BMP1: variants seen among roughly 807,000 people sequenced by gnomAD.
BMP1 encodes the protein mammalian tolloid protein.
BMP1 carries 63 observed loss-of-function variants against 116.8 expected under a neutral mutation model. The ratio of observed to expected loss-of-function variants is 0.54; its 90% CI spans 0.44 to 0.67. The LOEUF (loss-of-function observed/expected upper bound fraction) is 0.67. Among genes scored for constraint, BMP1 ranks in the 30% least tolerant of loss-of-function variants. The pLI is 0.00. For missense variants in BMP1, 1,183 were observed against 1,358.9 expected, an observed-to-expected ratio of 0.87 and a Z score of 2.04; for synonymous variants, 536 against 533.4, an observed-to-expected ratio of 1.00 and a Z score of -0.07.
At chr8:22,185,778 C>A (rs552714028) in intron 8 of BMP1, among the ~76,000 whole-genome samples, 5 of 151,554 alleles carry the variant, frequency 3.3e-5, no homozygotes, top group Non-Finnish European at 7.4e-5. Flanking sequence ...CCTGCTATCG[C>A]CCCTGGCTAA....
chr8:22,199,381 CT>C (rs1448784492), intron 15 of BMP1: 1 of 1,287,584 alleles, frequency 7.8e-7, no homozygotes, highest in Non-Finnish European at 1.0e-6. Flanking sequence ...CATTTGGGCA[CT>C]GTAGGGTGAG....
Position 22,195,519 on chromosome 8 carries a change from C to T in BMP1, c.1697C>T (p.Thr566Ile), listed in dbSNP as rs1403097061. Residue 566 changes from threonine to isoleucine, a missense_variant, in exon 13 of 20, where the codon ACC (threonine) becomes ATC (isoleucine). By Grantham distance (89) the Thr-to-Ile change is moderately conservative. Coordinates refer to ENST00000306385, the MANE Select transcript of BMP1 (RefSeq NM_006129.5). Reference protein sequence around the residue: ...RGGCEQRCLNTLGSYKCSCDP... With the variant: ...RGGCEQRCLNILGSYKCSCDP... Reference sequence around the variant, plus strand: ...GGCTGTGAGCAGCGGTGCCTCAACACCCTGGGCAGCTACAAGTGCAGCTGT... The same window carrying T: ...GGCTGTGAGCAGCGGTGCCTCAACATCCTGGGCAGCTACAAGTGCAGCTGT... 6.2e-7 allele frequency: 1 copy of T among 1,612,822 alleles called. No homozygotes were observed. The highest frequency in any genetic ancestry group is 2.2e-5 in the East Asian group (1 of 44,780).
At chr8:22,177,821 T>A in intron 5 of BMP1, 31 bp from the exon 6 acceptor site, 8 of 1,467,704 alleles carry the variant, frequency 5.5e-6, no homozygotes, top group Non-Finnish European at 7.6e-6. Context: ...CCCCCTCCTC[T>A]CCCCCCACAC....
intron 15 of BMP1, chr8:22,201,593 G>A: frequency 1.4e-6 from 2 of 1,382,902 alleles, no homozygotes; most frequent in South Asian, 3.0e-5. Flanking sequence ...CCACAGCTGG[G>A]CCCTGCTCAG....
chr8:22,192,516 G>T (rs1297096685), intron 9 of BMP1, among the ~76,000 whole-genome samples: 1 of 152,176 alleles, frequency 6.6e-6, no homozygotes, highest in African/African-American at 2.4e-5. Flanking sequence ...CACTTTCAGA[G>T]GATCCACTAT....
chr8:22,180,577 G>A, intron 8 of BMP1, 94 bp downstream of exon 8: 1 of 1,143,498 alleles, frequency 8.7e-7, no homozygotes, highest in Non-Finnish European at 1.3e-6. Context: ...ATGGGTGCCA[G>A]CGACCTACCT....
intron 2 of BMP1, among the ~76,000 whole-genome samples, chr8:22,174,537 C>A (rs1179923890): frequency 1.3e-5 from 2 of 151,702 alleles, no homozygotes; most frequent in Non-Finnish European, 2.9e-5. Flanking sequence ...ACTGCCAGTG[C>A]TGATGTTTGA....
At position 22,207,387 on chromosome 8, in the gene BMP1, C is replaced by T. The variant is rs150161793; in HGVS notation, c.2446C>T (p.Pro816Ser). The T allele has an allele frequency of 5.6e-6, 9 of 1,614,210 alleles. No homozygotes were observed. The highest frequency in any genetic ancestry group is 3.3e-5 in the South Asian group (3 of 91,090). The change falls in exon 18 of 20, where the codon CCC (proline) becomes TCC (serine). Residue 816 changes from proline to serine, a missense_variant. Coordinates refer to ENST00000306385, the MANE Select transcript of BMP1 (RefSeq NM_006129.5). ...GTTCGACGGGCGAGACGCCAAGGCCCCCGTCCTCGGCCGCTTCTGTGGGAG... is the reference window on the plus strand; with the variant it reads ...GTTCGACGGGCGAGACGCCAAGGCCTCCGTCCTCGGCCGCTTCTGTGGGAG... ...EVFDGRDAKA[P>S]VLGRFCGSKK...
At chr8:22,191,110 C>T (rs1289401481) in intron 8 of BMP1, among the ~76,000 whole-genome samples, 5 of 152,216 alleles carry the variant, frequency 3.3e-5, no homozygotes, top group South Asian at 2.1e-4. Context: ...CCTCCAGTAG[C>T]GAGCGAGCGT....
Position 22,207,883 on chromosome 8 carries a change from TA to T in BMP1, c.2575+368del, listed in dbSNP as rs1354712055. Among the ~76,000 whole-genome samples the T allele has an allele frequency of 3.6e-3, 544 of 152,212 alleles. 4 individuals carry two copies. Among genetic ancestry groups the T allele is most frequent in the African/African-American group, 0.012 (515 of 41,500 alleles). On this transcript the variant is annotated intron_variant, in intron 18 of 19. Transcript: ENST00000306385. The stretch of plus-strand genomic sequence containing the variant: ...ATATTTATTTTTTTATTTTTATTTT[TA>T]TTTATTTTTTATTTTTTGAGATGGA...
intron 3 of BMP1, 101 bp from the exon 4 acceptor site, chr8:22,176,432 T>C: frequency 6.4e-7 from 1 of 1,554,142 alleles, no homozygotes; most frequent in Non-Finnish European, 8.8e-7. Context: ...CACATTCCTT[T>C]CCAGGCAGTC....
At chr8:22,198,781 C>T in intron 15 of BMP1, 1 of 297,356 alleles carries the variant, frequency 3.4e-6, no homozygotes. Context: ...TGGCTCCCTG[C>T]TTGGCACTGC....
At chr8:22,199,176 C>T (rs1486410810) in intron 15 of BMP1, 2 of 1,367,660 alleles carry the variant, frequency 1.5e-6, no homozygotes, top group Non-Finnish European at 2.0e-6. Context: ...CACATTGCCC[C>T]ATCGCACAAG....
rs1012945534 is a variant in BMP1 at position 22,200,007 on chromosome 8, C to T, written c.2108-1796C>T. ...GGGATCAGGAATAGGCCCCCTTGCA[C>T]AGACCCCCACCTGGCCAGCTCAGTG... is the stretch of plus-strand genomic sequence containing the variant. On this transcript the variant is annotated intron_variant, in intron 15 of 19. Transcript: ENST00000306385. 7.2e-5 allele frequency among the ~76,000 whole-genome samples: 11 copies of T among 152,232 alleles called. 1 individual carries two copies. The highest frequency in any genetic ancestry group is 6.5e-5 in the Admixed American group (1 of 15,288).
intron 1 of BMP1, chr8:22,170,805 C>T (rs1011065692): frequency 2.0e-5 from 3 of 151,558 alleles, no homozygotes; most frequent in East Asian, 3.9e-4. Flanking sequence ...AAAAAAAATA[C>T]AAAAATTAGC....
At chr8:22,202,012 C>A in intron 16 of BMP1, 84 bp downstream of exon 16, 2 of 1,508,000 alleles carry the variant, frequency 1.3e-6, no homozygotes, top group Non-Finnish European at 8.9e-7. Flanking sequence ...CCATCAGCCT[C>A]CGTTTAGATT....
intron 5 of BMP1, 155 bp from the exon 6 acceptor site, chr8:22,177,696 TC>T: frequency 2.6e-6 from 2 of 768,628 alleles, no homozygotes; most frequent in Non-Finnish European, 2.4e-6. Flanking sequence ...CCCTCCCCAT[TC>T]CCCAGGCTCC....
At chr8:22,174,742 C>T (rs1359760927) in intron 2 of BMP1, among the ~76,000 whole-genome samples, 4 of 149,532 alleles carry the variant, frequency 2.7e-5, no homozygotes, top group East Asian at 2.0e-4. Flanking sequence ...AAGCAATTCT[C>T]GTGCCTCAGC....
intron 18 of BMP1, among the ~76,000 whole-genome samples, chr8:22,208,367 A>G (rs546800123): frequency 2.0e-5 from 3 of 152,366 alleles, no homozygotes; most frequent in Admixed American, 6.5e-5. Flanking sequence ...CGTGGCCTGA[A>G]TCAGGCATGA....
Sources: gnomAD v4.1 joint callset for allele counts (sites outside exome capture counted in the v4.1 genomes callset) on GRCh38, gnomAD v4.1.1 for gene constraint, MANE v1.5 for transcripts, NCBI Gene and HGNC (gene_info 2026-07-23, HGNC 2026-07-21) for gene names.